The following USP43 variants were observed in gnomAD, a reference collection of about 807,000 sequenced individuals.
USP43 encodes the protein ubiquitin carboxyl-terminal hydrolase 43.
Under a neutral mutation model 90.7 loss-of-function variants are expected in USP43, and 33 were observed. That is an observed-to-expected ratio of 0.36 (90% CI 0.28 to 0.49). USP43 has a LOEUF of 0.49. Ranked by LOEUF, USP43 falls within the 20% of genes least tolerant of loss-of-function variation. The probability of loss-of-function intolerance (pLI) is 0.98; values close to 1 mark genes in which losing one functional copy is unlikely to be tolerated. For missense variants in USP43, 1,274 were observed against 1,476.4 expected (o/e 0.86, Z 2.25); for synonymous variants, 598 against 615.8 (o/e 0.97, Z 0.43).
At chr17:9,681,038 A>T (rs909050872) in intron 6 of USP43, among the ~76,000 whole-genome samples, 3 of 132,282 alleles carry the variant, frequency 2.3e-5, no homozygotes, top group African/African-American at 5.7e-5. Flanking sequence ...TATCTATTAC[A>T]TATAATATAT....
In USP43 at chr17:9,726,422, C is replaced by T. The variant is rs141807428; in HGVS notation, c.2336-1532C>T. Among the ~76,000 whole-genome samples the T allele has an allele frequency of 1.5e-4, 23 of 152,244 alleles. No individual in the cohort carries two copies. The East Asian group carries it at 4.1e-3, about 27-fold the overall frequency. ...GTTAGAACAGAATACCACGCCTGGG[C>T]AGCTTATCCACAACAGACATTTCTT... On this transcript the variant is annotated intron_variant, in intron 14 of 14. Coordinates refer to ENST00000285199, the MANE Select transcript of USP43 (RefSeq NM_153210.5).
chr17:9,697,434 A>G (rs1295405734), intron 9 of USP43, among the ~76,000 whole-genome samples: 1 of 152,122 alleles, frequency 6.6e-6, no homozygotes, highest in Non-Finnish European at 1.5e-5. Flanking sequence ...CCATCACTCA[A>G]ATAGTGAGCA....
At chr17:9,670,374 G>T (rs1171310934) in intron 3 of USP43, among the ~76,000 whole-genome samples, 1 of 152,170 alleles carries the variant, frequency 6.6e-6, no homozygotes, top group Non-Finnish European at 1.5e-5. Context: ...ATGCAGGGAG[G>T]CAAGAGGAGG....
chr17:9,674,859 T>G lies in USP43; in HGVS notation c.741-32T>G. 1.3e-6 allele frequency: 2 copies of G among 1,584,064 alleles called. No individual in the cohort carries two copies. The highest frequency in any genetic ancestry group is 1.7e-6 in the Non-Finnish European group (2 of 1,152,950). ...TACCCCCAAATTGTTTACGTGTGAT[T>G]AAACGTTCGCCTCTGTTCTTCACCC... On this transcript the variant is annotated intron_variant, in intron 3 of 14. Coordinates refer to ENST00000285199, the MANE Select transcript of USP43 (RefSeq NM_153210.5). This position sits in a 1 kb window ranked among gnomAD's most constrained non-coding sequence, Gnocchi z 4.4.
chr17:9,684,626 G>A (rs1914491914), intron 7 of USP43, among the ~76,000 whole-genome samples: 1 of 151,970 alleles, frequency 6.6e-6, no homozygotes, highest in African/African-American at 2.4e-5. Context: ...AGCCGGGCAT[G>A]GTGGCTCACG....
chr17:9,728,130 T>C lies in USP43; in HGVS notation c.2512T>C (p.Ser838Pro). Reference sequence around the variant, plus strand: ...CGTCGAGTTGGTGGAGTACTTGGAATCCAGACGAAGACCTCGGTCCACGAG... The same window carrying C: ...CGTCGAGTTGGTGGAGTACTTGGAACCCAGACGAAGACCTCGGTCCACGAG... ...ASVELVEYLE[S>P]RRRPRSTSQS... Residue 838 changes from serine to proline, a missense_variant, in exon 15 of 15, where the codon TCC becomes CCC. Physicochemically the swap from Ser to Pro is moderately conservative, Grantham distance 74. Around this residue, in one of 6 missense-constraint regions of USP43, gnomAD observed 285 missense variants for 349.6 expected, o/e 0.82. Coordinates refer to ENST00000285199, the MANE Select transcript of USP43 (RefSeq NM_153210.5). The surrounding 1 kb of genome is among the most constrained non-coding windows in gnomAD (Gnocchi z 6.2). 6.2e-7 allele frequency: 1 copy of C among 1,613,808 alleles called. No individual in the cohort carries two copies. Among genetic ancestry groups the C allele is most frequent in the Non-Finnish European group, 8.5e-7 (1 of 1,179,844 alleles).
chr17:9,707,661 A>AAC (rs1336416005), intron 12 of USP43, among the ~76,000 whole-genome samples: 1 of 151,402 alleles, frequency 6.6e-6, no homozygotes, highest in Non-Finnish European at 1.5e-5. Flanking sequence ...AAAAAAAAAA[A>AAC]AGCTTTAAAA....
At chr17:9,652,716 A>C (rs925850612) in intron 1 of USP43, among the ~76,000 whole-genome samples, 4 of 152,174 alleles carry the variant, frequency 2.6e-5, no homozygotes, top group Admixed American at 2.6e-4. Flanking sequence ...AGGTTATTAA[A>C]AAAAAATTCC....
At chr17:9,720,566 G>A (rs1299207440) in intron 14 of USP43, among the ~76,000 whole-genome samples, 1 of 151,550 alleles carries the variant, frequency 6.6e-6, no homozygotes, top group African/African-American at 2.4e-5. Context: ...TCTGCTCACT[G>A]CAACCTCTGC....
intron 7 of USP43, among the ~76,000 whole-genome samples, 176 bp downstream of exon 7, chr17:9,683,134 C>T (rs965693923): frequency 2.6e-5 from 4 of 152,164 alleles, no homozygotes; most frequent in African/African-American, 4.8e-5. Context: ...ATTTGGCTAA[C>T]GTCATCATTC....
intron 4 of USP43, among the ~76,000 whole-genome samples, chr17:9,676,200 A>C (rs1389406788): frequency 2.0e-5 from 3 of 152,180 alleles, no homozygotes; most frequent in Non-Finnish European, 4.4e-5. Context: ...GAGCCTTGAG[A>C]TCGGACATCT....
chr17:9,672,352 A>T (rs1426666009), intron 3 of USP43, among the ~76,000 whole-genome samples: 1 of 152,022 alleles, frequency 6.6e-6, no homozygotes. Context: ...TCTACAAACC[A>T]CTCATCGCTT....
At chr17:9,702,457 T>A (rs1218777886) in intron 12 of USP43, among the ~76,000 whole-genome samples, 1 of 152,242 alleles carries the variant, frequency 6.6e-6, no homozygotes, top group Non-Finnish European at 1.5e-5. Context: ...CATTCTCATC[T>A]GTGATTCAGC....
chr17:9,690,295 T>A (rs1282160685), intron 8 of USP43, among the ~76,000 whole-genome samples: 1 of 152,200 alleles, frequency 6.6e-6, no homozygotes, highest in Non-Finnish European at 1.5e-5. Context: ...CATGTCTGCC[T>A]TTTACCTTTG....
intron 2 of USP43, among the ~76,000 whole-genome samples, chr17:9,661,409 T>C (rs192210102): frequency 6.6e-6 from 1 of 152,230 alleles, no homozygotes; most frequent in East Asian, 1.9e-4. Context: ...CAGGCTGGAG[T>C]GCAGTGGAGT....
chr17:9,686,771 G>T lies in USP43; in HGVS notation c.1242-27G>T. The T allele has an allele frequency of 6.2e-7, 1 of 1,606,638 alleles. No homozygotes were observed. The highest frequency in any genetic ancestry group is 8.5e-7 in the Non-Finnish European group (1 of 1,174,496). ...ATGTTGCTGGTTTTTCCTTTGCTGG[G>T]ATAACCCGATTTCCTTGGATTTTCA... On this transcript the variant is annotated intron_variant, in intron 7 of 14. Coordinates refer to ENST00000285199, the MANE Select transcript of USP43 (RefSeq NM_153210.5). This position sits in a 1 kb window ranked among gnomAD's most constrained non-coding sequence, Gnocchi z 5.5.
intron 14 of USP43, among the ~76,000 whole-genome samples, chr17:9,718,457 T>G (rs1357984120): frequency 6.6e-6 from 1 of 152,140 alleles, no homozygotes; most frequent in Non-Finnish European, 1.5e-5. Flanking sequence ...GTTAATTCCT[T>G]CCCCAGCGTG....
chr17:9,715,787 C>CTG (rs550902828), intron 14 of USP43, among the ~76,000 whole-genome samples: 6 of 137,288 alleles, frequency 4.4e-5, no homozygotes, highest in South Asian at 2.4e-4. Context: ...GTGTGTGTCT[C>CTG]TGTGTGTGTG....
Position 9,700,219 on chromosome 17 carries a change from C to T in USP43, c.1505C>T (p.Ala502Val), listed in dbSNP as rs1269171061. Reference sequence around the variant, plus strand: ...GGAGGCCCTCCACATGTCAAGCTGGCGGTGGAGTGGGATAGCTCTGTCAAG... The same window carrying T: ...GGAGGCCCTCCACATGTCAAGCTGGTGGTGGAGTGGGATAGCTCTGTCAAG... ...RPGGPPHVKLAVEWDSSVKER... is the reference protein window; with the variant it reads ...RPGGPPHVKLVVEWDSSVKER... The change falls in exon 10 of 15, where the codon GCG becomes GTG. Residue 502 changes from alanine (A) to valine (V), a missense_variant. Physicochemically the swap from Ala to Val is moderately conservative, Grantham distance 64 (BLOSUM62 0). Transcript: ENST00000285199. 16 of 1,605,214 alleles carry T rather than the reference C, an allele frequency of 1.0e-5. No individual in the cohort carries two copies. Among genetic ancestry groups the T allele is most frequent in the South Asian group, 2.2e-5 (2 of 88,974 alleles).
Sources: allele counts gnomAD v4.1 joint callset (sites outside exome capture counted in the v4.1 genomes callset), GRCh38; gene constraint gnomAD v4.1.1; regional missense constraint gnomAD v4.1.1; non-coding constraint Gnocchi (gnomAD v3.1); transcripts MANE v1.5; gene names NCBI Gene and HGNC (gene_info 2026-07-23, HGNC 2026-07-21).